Variants in KIF1B observed in about 807,000 individuals in gnomAD.
The protein encoded by KIF1B is kinesin family member 1B.
A neutral mutation model predicts 241.9 loss-of-function variants in KIF1B; 76 were observed. The ratio of observed to expected loss-of-function variants is 0.31; its 90% CI spans 0.26 to 0.38. The LOEUF (loss-of-function observed/expected upper bound fraction) is 0.38, where lower values mean the gene tolerates loss of function less well. Among genes scored for constraint, KIF1B ranks in the 10% least tolerant of loss-of-function variants. KIF1B has a pLI of 1.00. For synonymous variants in KIF1B, 750 were observed against 796.7 expected (o/e 0.94, Z 0.99); for missense variants, 1,622 against 2,271.4 (o/e 0.71, Z 5.81).
chr1:10,378,108 T>C lies in KIF1B; in HGVS notation c.*1521T>C, dbSNP rs1638934375. 1 of 575,754 alleles carries C rather than the reference T, an allele frequency of 1.7e-6. No homozygotes were observed. Among genetic ancestry groups the C allele is most frequent in the Non-Finnish European group, 3.1e-6 (1 of 322,866 alleles). The allele number at this position is 575,754 out of a possible 1,614,324, so 35.7% of individuals were successfully genotyped here. On this transcript the variant is annotated 3_prime_UTR_variant, in exon 49 of 49. Coordinates refer to ENST00000676179, the MANE Select transcript of KIF1B (RefSeq NM_001365951.3). Reference sequence around the variant, plus strand: ...ATGCTTTCAGTGATGCTCTCTATACTCATAAATAAGCAAATGTGGCAGGCT... The same window carrying C: ...ATGCTTTCAGTGATGCTCTCTATACCCATAAATAAGCAAATGTGGCAGGCT...
intron 15 of KIF1B, 53 bp from the exon 16 acceptor site, chr1:10,291,029 T>A (rs374586919): frequency 3.7e-5 from 50 of 1,362,108 alleles, no homozygotes; most frequent in Non-Finnish European, 5.2e-5. Flanking sequence ...TCTAGCATGG[T>A]ATGTTAAATT....
At chr1:10,284,408 G>A (rs1301130020) in intron 15 of KIF1B, among the ~76,000 whole-genome samples, 1 of 151,934 alleles carries the variant, frequency 6.6e-6, no homozygotes, top group African/African-American at 2.4e-5. Flanking sequence ...AAATTAAGCC[G>A]GGCTTAGTGG....
intron 21 of KIF1B, 34 bp downstream of exon 21, chr1:10,297,111 T>G: frequency 6.2e-7 from 1 of 1,613,648 alleles, no homozygotes; most frequent in Non-Finnish European, 8.5e-7. Flanking sequence ...TATGACTGTT[T>G]CTTCTTTTAA....
chr1:10,240,296 C>T (rs1481378659), intron 2 of KIF1B, among the ~76,000 whole-genome samples: 1 of 151,758 alleles, frequency 6.6e-6, no homozygotes, highest in Non-Finnish European at 1.5e-5. Flanking sequence ...GCAACCTCTG[C>T]CTCCCAGGTT....
intron 1 of KIF1B, among the ~76,000 whole-genome samples, chr1:10,227,184 C>T (rs1030302868): frequency 2.0e-5 from 3 of 151,758 alleles, no homozygotes; most frequent in Admixed American, 6.6e-5. Flanking sequence ...TACAGGTGCA[C>T]GTCACCATGC....
chr1:10,339,087 G>GGA (rs144387373), intron 31 of KIF1B, among the ~76,000 whole-genome samples: 41 of 151,394 alleles, frequency 2.7e-4, no homozygotes, highest in African/African-American at 8.5e-4. Flanking sequence ...CTAATAATAG[G>GGA]GAGAGAGAGA....
intron 22 of KIF1B, among the ~76,000 whole-genome samples, chr1:10,317,941 A>G (rs1385865951): frequency 6.6e-6 from 1 of 151,494 alleles, no homozygotes; most frequent in Non-Finnish European, 1.5e-5. Context: ...CTGTGTGGGT[A>G]GGCAGGTCAA....
At chr1:10,261,174 C>T (rs1392524023) in intron 4 of KIF1B, among the ~76,000 whole-genome samples, 1 of 151,748 alleles carries the variant, frequency 6.6e-6, no homozygotes, top group Non-Finnish European at 1.5e-5. Context: ...ACAATGTTGG[C>T]CAGGCTGGTC....
intron 1 of KIF1B, among the ~76,000 whole-genome samples, chr1:10,218,387 A>T (rs1160790922): frequency 6.7e-6 from 1 of 149,890 alleles, no homozygotes; most frequent in Non-Finnish European, 1.5e-5. Context: ...GGCTACTCAC[A>T]TGGCTATTAA....
At chr1:10,357,358 C>T (rs758611006) in intron 38 of KIF1B, among the ~76,000 whole-genome samples, 2 of 152,198 alleles carry the variant, frequency 1.3e-5, no homozygotes, top group Admixed American at 6.5e-5. Flanking sequence ...TCTTGGGATT[C>T]AGCCCTGTTT....
intron 27 of KIF1B, among the ~76,000 whole-genome samples, chr1:10,328,815 T>TA (rs1651816146): frequency 6.6e-6 from 1 of 152,252 alleles, no homozygotes; most frequent in Admixed American, 6.5e-5. Context: ...ACAAGCAACT[T>TA]AAAGTGAAGC....
At chr1:10,339,385 A>C (rs1028430865) in intron 31 of KIF1B, among the ~76,000 whole-genome samples, 6 of 152,206 alleles carry the variant, frequency 3.9e-5, no homozygotes, top group Non-Finnish European at 5.9e-5. Flanking sequence ...TGCCATCCAC[A>C]GGCTCTCGCA....
chr1:10,359,586 ATTAAG>A (rs1638355520), intron 38 of KIF1B, among the ~76,000 whole-genome samples: 2 of 152,232 alleles, frequency 1.3e-5, no homozygotes, highest in South Asian at 4.1e-4. Context: ...TATCTATTAA[ATTAAG>A]TTTCCATTTG....
intron 27 of KIF1B, among the ~76,000 whole-genome samples, chr1:10,331,495 T>A (rs945916504): frequency 7.9e-5 from 12 of 152,224 alleles, no homozygotes; most frequent in Admixed American, 6.5e-5. Flanking sequence ...TCATTTGCAG[T>A]TATTTTTGTT....
At chr1:10,213,273 G>A (rs1423597220) in intron 1 of KIF1B, among the ~76,000 whole-genome samples, 2 of 152,118 alleles carry the variant, frequency 1.3e-5, no homozygotes, top group African/African-American at 4.8e-5. Flanking sequence ...ATGAGTATGT[G>A]TAGCTCTGCT....
chr1:10,359,502 C>G (rs920413300), intron 38 of KIF1B, among the ~76,000 whole-genome samples: 1 of 151,822 alleles, frequency 6.6e-6, no homozygotes, highest in Non-Finnish European at 1.5e-5. Context: ...GATTTAATGT[C>G]AATTAGAGTT....
At chr1:10,251,512 A>G (rs1273654441) in intron 2 of KIF1B, among the ~76,000 whole-genome samples, 1 of 151,898 alleles carries the variant, frequency 6.6e-6, no homozygotes, top group Non-Finnish European at 1.5e-5. Context: ...AGGTGGGTGG[A>G]TAACCTGAGG....
At chr1:10,278,997 C>A (rs1044536544) in intron 13 of KIF1B, 100 bp from the exon 14 acceptor site, 1 of 702,990 alleles carries the variant, frequency 1.4e-6, no homozygotes, top group Non-Finnish European at 2.5e-6. Context: ...ATTAACTTTT[C>A]CATCTCCCCA....
intron 48 of KIF1B, 56 bp downstream of exon 48, chr1:10,375,429 C>G: frequency 1.4e-6 from 2 of 1,448,432 alleles, no homozygotes; most frequent in Non-Finnish European, 1.9e-6. Context: ...CACTTTTTCT[C>G]CCTGAAGTGC....
Sources: gnomAD v4.1 joint callset for allele counts (sites outside exome capture counted in the v4.1 genomes callset) on GRCh38, gnomAD v4.1.1 for gene constraint, MANE v1.5 for transcripts, NCBI Gene and HGNC (gene_info 2026-07-23, HGNC 2026-07-21) for gene names.